Variants in AKAP4 observed in about 807,000 individuals in gnomAD.
AKAP4 encodes the protein A-kinase anchoring protein 4.
Under a neutral mutation model 42.6 loss-of-function variants are expected in AKAP4, and 4 were observed. The ratio of observed to expected loss-of-function variants is 0.09; its 90% CI spans 0.05 to 0.22. AKAP4 has a LOEUF of 0.22. AKAP4 is among the 10% of genes least tolerant of loss of function. The probability of loss-of-function intolerance (pLI) is 1.00; values close to 1 mark genes in which losing one functional copy is unlikely to be tolerated. For synonymous variants in AKAP4, 223 were observed against 233.0 expected, an observed-to-expected ratio of 0.96 and a Z score of 0.39; for missense variants, 551 against 630.7, an observed-to-expected ratio of 0.87 and a Z score of 1.35.
chrX:50,193,368 C>T lies in AKAP4; in HGVS notation c.1345G>A (p.Ala449Thr). Residue 449 changes from alanine to threonine, a missense_variant, in exon 5 of 6, where the codon GCA becomes ACA. By Grantham distance (58) the Ala-to-Thr change is moderately conservative. Coordinates refer to ENST00000358526, the MANE Select transcript of AKAP4 (RefSeq NM_003886.3). ...TCATGGGACCCAGCTTTTAAAGATGCATATGACAGACTCTGAGACTTAGTC... is the reference window on the plus strand; with the variant it reads ...TCATGGGACCCAGCTTTTAAAGATGTATATGACAGACTCTGAGACTTAGTC... Reference protein sequence around the residue: ...KETKSQSLSYASLKAGSHDPK... With the variant: ...KETKSQSLSYTSLKAGSHDPK... 2.5e-6 allele frequency: 3 copies of T among 1,211,506 alleles called. No homozygotes were observed. Among genetic ancestry groups the T allele is most frequent in the Non-Finnish European group, 3.4e-6 (3 of 895,421 alleles).
At position 50,192,951 on chromosome X, in the gene AKAP4, C is replaced by T. The variant is rs1557203875; in HGVS notation, c.1762G>A (p.Gly588Arg). 4.1e-6 allele frequency: 5 copies of T among 1,210,014 alleles called. No homozygotes were observed. Among genetic ancestry groups the T allele is most frequent in the East Asian group, 3.0e-5 (1 of 33,752 alleles). Reference sequence around the variant, plus strand: ...AGTGCTTTGGCACTTTGGCCACCTCCACACTTTTCATATTGAGTACTCTGA... The same window carrying T: ...AGTGCTTTGGCACTTTGGCCACCTCTACACTTTTCATATTGAGTACTCTGA... The part of the protein sequence containing the change: ...MAQSTQYEKC[G>R]GGQSAKALSV... The change falls in exon 5 of 6, where the codon GGA becomes AGA. Residue 588 changes from glycine to arginine, a missense_variant. Coordinates refer to ENST00000358526, the MANE Select transcript of AKAP4 (RefSeq NM_003886.3).
intron 4 of AKAP4, among the ~76,000 whole-genome samples, chrX:50,195,352 A>G (rs1203360744): frequency 8.9e-5 from 10 of 112,244 alleles, no homozygotes; most frequent in African/African-American, 2.9e-4. Flanking sequence ...TTGTGTCAAC[A>G]GTGTATGTAT....
Position 50,200,910 on chromosome X carries a change from T to C in AKAP4, c.-21A>G, listed in dbSNP as rs782060703. 1 of 1,203,731 alleles carries C rather than the reference T, an allele frequency of 8.3e-7. No individual in the cohort carries two copies. Among genetic ancestry groups the C allele is most frequent in the East Asian group, 3.0e-5 (1 of 33,798 alleles). On this transcript the variant is annotated 5_prime_UTR_variant, in exon 1 of 6. Coordinates refer to ENST00000358526, the MANE Select transcript of AKAP4 (RefSeq NM_003886.3). ...ATCATGTAGGACCCTGGAATGATGT[T>C]TTCTTGTTGATTTGGATGCTGTGAT...
Position 50,194,075 on chromosome X carries a change from G to A in AKAP4, c.638C>T (p.Ser213Phe). The A allele has an allele frequency of 8.3e-7, 1 of 1,211,462 alleles. No homozygotes were observed. The highest frequency in any genetic ancestry group is 1.8e-5 in the South Asian group (1 of 56,972). Residue 213 changes from serine to phenylalanine, a missense_variant, in exon 5 of 6, where the codon TCT becomes TTT. By Grantham distance (155) the Ser-to-Phe change is radical. Transcript: ENST00000358526. ...RAVISPDGEC[S>F]IDDLSFYVNR... ...GACGTAGAAGGAAAGGTCATCTATA[G>A]AACATTCTCCATCAGGGGAAATGAC...
Position 50,194,050 on chromosome X carries a change from G to A in AKAP4, c.663C>T (p.Val221=). The A allele has an allele frequency of 1.7e-6, 2 of 1,211,531 alleles. No homozygotes were observed. The highest frequency in any genetic ancestry group is 2.2e-6 in the Non-Finnish European group (2 of 895,423). Residue 221 remains valine, a synonymous_variant, in exon 5 of 6, where the codon GTC becomes GTT. Coordinates refer to ENST00000358526, the MANE Select transcript of AKAP4 (RefSeq NM_003886.3). The part of the protein sequence containing the change: ...ECSIDDLSFY[V]NRLSSLVIQM... The stretch of plus-strand genomic sequence containing the variant: ...GGATTACCAGAGAAGATAGTCGGTT[G>A]ACGTAGAAGGAAAGGTCATCTATAG...
chrX:50,191,670 A>AGAGAGAGAGAG (rs1935113984), intron 5 of AKAP4, among the ~76,000 whole-genome samples: 3 of 90,022 alleles, frequency 3.3e-5, no homozygotes, highest in African/African-American at 1.3e-4. Context: ...GAGAGAGAGA[A>AGAGAGAGAGAG]AGAGAGAGAG....
In AKAP4 at chrX:50,198,741, A is replaced by G; in HGVS notation, c.39T>C (p.Asp13=). 8.3e-7 allele frequency: 1 copy of G among 1,200,048 alleles called. No individual in the cohort carries two copies. The highest frequency in any genetic ancestry group is 1.1e-6 in the Non-Finnish European group (1 of 886,653). ...AYSDTTMMSD[D]IDWLRSHRGV... ...CCCTGTGGCTGCGTAACCAGTCAAT[A>G]TCATCAGACATCTGGAAAGAGAAAG... Residue 13 remains aspartate (D), a synonymous_variant, in exon 2 of 6, where the codon GAT becomes GAC. Transcript: ENST00000358526.
In AKAP4 at chrX:50,198,765, A is replaced by G; in HGVS notation, c.28-13T>C. The G allele has an allele frequency of 8.5e-7, 1 of 1,173,938 alleles. No individual in the cohort carries two copies. Among genetic ancestry groups the G allele is most frequent in the Non-Finnish European group, 1.2e-6 (1 of 865,098 alleles). ...TATCATCAGACATCTGGAAAGAGAA[A>G]GAAAAGAAAGCTGAAATGCTTATAT... On this transcript the variant is annotated splice_polypyrimidine_tract_variant and intron_variant, in intron 1 of 5. Coordinates refer to ENST00000358526, the MANE Select transcript of AKAP4 (RefSeq NM_003886.3).
intron 2 of AKAP4, among the ~76,000 whole-genome samples, chrX:50,198,438 C>A (rs1236028848): frequency 1.8e-5 from 2 of 110,173 alleles, no homozygotes. Flanking sequence ...CCCCAGCCTC[C>A]CCTCCCCAGG....
intron 5 of AKAP4, 53 bp from the exon 6 acceptor site, chrX:50,191,168 A>G: frequency 1.7e-6 from 2 of 1,177,491 alleles, no homozygotes; most frequent in African/African-American, 1.8e-5. Flanking sequence ...TGGAGGAAAG[A>G]CCTGCTGGAC....
At chrX:50,195,214 G>A (rs782228125) in intron 4 of AKAP4, among the ~76,000 whole-genome samples, 1 of 111,964 alleles carries the variant, frequency 8.9e-6, no homozygotes, top group African/African-American at 3.2e-5. Context: ...TAATGACTAT[G>A]TATGTTCATA....
intron 5 of AKAP4, among the ~76,000 whole-genome samples, chrX:50,191,523 G>C (rs5905792): frequency 0.012 from 1,271 of 110,254 alleles, 10 homozygotes; most frequent in Non-Finnish European, 0.018. Context: ...GGAGTAGGGA[G>C]GATTGTCTGA....
chrX:50,191,188 C>T, intron 5 of AKAP4, 73 bp from the exon 6 acceptor site: 1 of 1,124,041 alleles, frequency 8.9e-7, no homozygotes, highest in Non-Finnish European at 1.2e-6. Context: ...CGAAGTTCTA[C>T]CACCCAACCC....
In AKAP4 at chrX:50,191,519, G is replaced by C. The variant is rs782465630; in HGVS notation, c.2410-404C>G. The stretch of plus-strand genomic sequence containing the variant: ...CTAAAAAAGTATGAGACTTGGAGTA[G>C]GGAGGATTGTCTGAGCTTGGCTCCT... On this transcript the variant is annotated intron_variant, in intron 5 of 5. Transcript: ENST00000358526. Among the ~76,000 whole-genome samples the C allele has an allele frequency of 3.4e-4, 38 of 110,482 alleles. No individual in the cohort carries two copies. The South Asian group carries it at 0.014, about 40-fold the overall frequency.
Position 50,191,132 on chromosome X carries a change from G to A in AKAP4, c.2410-17C>T, listed in dbSNP as rs1557203541. ...CTGAGGAAGCTGTGGGGAAAACAGA[G>A]CTAGTGTGAGTTGCGTGATGCTTTT... On this transcript the variant is annotated splice_polypyrimidine_tract_variant and intron_variant, in intron 5 of 5. Coordinates refer to ENST00000358526, the MANE Select transcript of AKAP4 (RefSeq NM_003886.3). The A allele has an allele frequency of 8.3e-7, 1 of 1,205,040 alleles. No homozygotes were observed.
intron 5 of AKAP4, among the ~76,000 whole-genome samples, chrX:50,191,619 G>GGTGTGT (rs34737063): frequency 0.012 from 1,036 of 85,710 alleles, 9 homozygotes; most frequent in South Asian, 0.03. Flanking sequence ...CTGTCAGATA[G>GGTGTGT]GTGTGTGTGT....
rs1177215672 is a variant in AKAP4 at position 50,197,599 on chromosome X, A to G, written c.124-5T>C. The G allele has an allele frequency of 8.3e-6, 10 of 1,201,866 alleles. No individual in the cohort carries two copies. The highest frequency in any genetic ancestry group is 1.1e-5 in the Non-Finnish European group (10 of 888,159). ...GGACACATCGACAAAGCATATCTGC[A>G]TCAAATTAGAAGGGTGAATTTAGAA... On this transcript the variant is annotated splice_region_variant and splice_polypyrimidine_tract_variant and intron_variant, in intron 2 of 5. Coordinates refer to ENST00000358526, the MANE Select transcript of AKAP4 (RefSeq NM_003886.3).
At position 50,198,711 on chromosome X, in the gene AKAP4, C is replaced by T. The variant is rs782074296; in HGVS notation, c.69G>A (p.Val23=). The T allele has an allele frequency of 3.3e-6, 4 of 1,208,046 alleles. No homozygotes were observed. The African/African-American group carries it at 7.0e-5, about 21-fold the overall frequency. ...CTGGGTTGTAGAGATCTACCTTGCA[C>T]ACACCCCTGTGGCTGCGTAACCAGT... is the stretch of plus-strand genomic sequence containing the variant. The part of the protein sequence containing the change: ...DIDWLRSHRG[V]CKVDLYNPEG... The change falls in exon 2 of 6, where the codon GTG becomes GTA. Residue 23 remains valine, a synonymous_variant. Coordinates refer to ENST00000358526, the MANE Select transcript of AKAP4 (RefSeq NM_003886.3).
At chrX:50,196,145 T>G (rs1935189596) in intron 4 of AKAP4, among the ~76,000 whole-genome samples, 1 of 112,241 alleles carries the variant, frequency 8.9e-6, no homozygotes, top group Admixed American at 9.5e-5. Flanking sequence ...CTTTGGATAC[T>G]GTAATGTAAA....
Sources: allele counts gnomAD v4.1 joint callset (sites outside exome capture counted in the v4.1 genomes callset), GRCh38; gene constraint gnomAD v4.1.1; transcripts MANE v1.5; gene names NCBI Gene and HGNC (gene_info 2026-07-23, HGNC 2026-07-21).